Variants in NTN4 observed in about 807,000 individuals in gnomAD.
NTN4 encodes the protein netrin 4.
NTN4 carries 32 observed loss-of-function variants against 73.6 expected under a neutral mutation model. The observed-to-expected ratio is 0.44, with a 90% confidence interval of 0.33 to 0.58. The LOEUF (loss-of-function observed/expected upper bound fraction) is 0.58, where lower values mean the gene tolerates loss of function less well. Among genes scored for constraint, NTN4 ranks in the 20% least tolerant of loss-of-function variants. The pLI, the probability that NTN4 is intolerant of heterozygous loss-of-function variation, is 0.04. For missense variants in NTN4, 654 were observed against 798.3 expected, an observed-to-expected ratio of 0.82 and a Z score of 2.18; for synonymous variants, 258 against 287.5, an observed-to-expected ratio of 0.90 and a Z score of 1.04.
chr12:95,688,124 G>A (rs1441535727), intron 5 of NTN4, among the ~76,000 whole-genome samples: 4 of 152,124 alleles, frequency 2.6e-5, no homozygotes, highest in Admixed American at 1.3e-4. Flanking sequence ...GGTTACAATT[G>A]AATTTTGACA....
chr12:95,779,337 C>G (rs142651659), intron 2 of NTN4, among the ~76,000 whole-genome samples: 2 of 152,140 alleles, frequency 1.3e-5, no homozygotes, highest in Non-Finnish European at 2.9e-5. Context: ...AGAAATAAAG[C>G]GTATTCAATT....
Position 95,658,884 on chromosome 12 carries a change from G to C in NTN4, c.*202C>G, listed in dbSNP as rs2078113326. The C allele has an allele frequency of 6.3e-6, 3 of 478,772 alleles. No individual in the cohort carries two copies. The South Asian group carries it at 1.2e-4, about 19-fold the overall frequency. The allele number at this position is 478,772 out of a possible 1,614,324, so 29.7% of individuals were successfully genotyped here. A position where few individuals can be genotyped will look rare whatever the true frequency, so the allele number is the denominator to read the frequency against. On this transcript the variant is annotated 3_prime_UTR_variant, in exon 10 of 10. Transcript: ENST00000343702. ...CCCATAGAAAACAGATATCAGTGTA[G>C]GGGTTTTCATTTCTCTTCATGAAAT...
intron 5 of NTN4, among the ~76,000 whole-genome samples, chr12:95,696,301 C>A (rs1476550209): frequency 6.6e-6 from 1 of 151,906 alleles, no homozygotes; most frequent in Non-Finnish European, 1.5e-5. Flanking sequence ...GGGATAGAGA[C>A]AATTTTGTTG....
chr12:95,681,188 C>CAA (rs11366396), intron 7 of NTN4, among the ~76,000 whole-genome samples: 2,714 of 95,350 alleles, frequency 0.028, 120 homozygotes, highest in African/African-American at 0.1. Context: ...GACTTTGTCT[C>CAA]AAAAAAAAAA....
At chr12:95,702,434 C>A (rs1327087582) in intron 5 of NTN4, among the ~76,000 whole-genome samples, 1 of 152,130 alleles carries the variant, frequency 6.6e-6, no homozygotes, top group Admixed American at 6.6e-5. Context: ...TCCTCACTCA[C>A]CCCCACACTC....
At chr12:95,741,438 TATA>T (rs1565903673) in intron 2 of NTN4, among the ~76,000 whole-genome samples, 1,243 of 101,036 alleles carry the variant, frequency 0.012, 79 homozygotes, top group South Asian at 0.081. Context: ...TATATATATA[TATA>T]TATATATATA....
intron 5 of NTN4, among the ~76,000 whole-genome samples, chr12:95,707,668 T>A (rs2078530465): frequency 6.6e-6 from 1 of 152,192 alleles, no homozygotes; most frequent in Non-Finnish European, 1.5e-5. Context: ...GAATATAAGC[T>A]CCTTGAGGGC....
intron 2 of NTN4, among the ~76,000 whole-genome samples, chr12:95,775,467 C>T (rs958817801): frequency 6.6e-6 from 1 of 152,234 alleles, no homozygotes; most frequent in South Asian, 2.1e-4. Flanking sequence ...CCTGGAAAAT[C>T]GGGTCACTCC....
intron 4 of NTN4, among the ~76,000 whole-genome samples, chr12:95,711,839 T>A (rs964272939): frequency 1.3e-5 from 2 of 152,234 alleles, no homozygotes; most frequent in Non-Finnish European, 2.9e-5. Context: ...ATTCTCTTCA[T>A]GAGTGATTTA....
chr12:95,661,983 G>A (rs2078141189), intron 9 of NTN4, among the ~76,000 whole-genome samples: 1 of 152,136 alleles, frequency 6.6e-6, no homozygotes, highest in South Asian at 2.1e-4. Flanking sequence ...TAGATAACAT[G>A]AAAATCAACT....
intron 2 of NTN4, among the ~76,000 whole-genome samples, chr12:95,768,784 G>A (rs1350786643): frequency 6.6e-6 from 1 of 152,112 alleles, no homozygotes; most frequent in Non-Finnish European, 1.5e-5. Flanking sequence ...AAATAAGAGT[G>A]GTTTGCTCTA....
At chr12:95,708,824 A>G (rs1312355765) in intron 5 of NTN4, among the ~76,000 whole-genome samples, 1 of 152,186 alleles carries the variant, frequency 6.6e-6, no homozygotes, top group Non-Finnish European at 1.5e-5. Context: ...AATTTTACAT[A>G]TGAAGAAACT....
chr12:95,660,151 T>C (rs2120901955), intron 9 of NTN4, among the ~76,000 whole-genome samples: 1 of 152,274 alleles, frequency 6.6e-6, no homozygotes, highest in Non-Finnish European at 1.5e-5. Context: ...ATAGCTGGGA[T>C]TGCAGGCATG....
At chr12:95,784,490 C>T (rs2079153196) in intron 2 of NTN4, among the ~76,000 whole-genome samples, 1 of 152,112 alleles carries the variant, frequency 6.6e-6, no homozygotes, top group South Asian at 2.1e-4. Flanking sequence ...CTGCTGAGGC[C>T]GGGCGCAGTG....
At chr12:95,730,703 A>G (rs1390080366) in intron 3 of NTN4, among the ~76,000 whole-genome samples, 3 of 152,206 alleles carry the variant, frequency 2.0e-5, no homozygotes, top group African/African-American at 7.2e-5. Context: ...CTTCTATAGC[A>G]CCTGTGGTTA....
chr12:95,738,179 G>A (rs925999757), intron 2 of NTN4, 35 bp from the exon 3 acceptor site: 1 of 1,573,442 alleles, frequency 6.4e-7, no homozygotes, highest in African/African-American at 1.4e-5. Context: ...GCGTTTATAG[G>A]ACTGTGCGCA....
intron 7 of NTN4, among the ~76,000 whole-genome samples, chr12:95,675,842 G>C (rs1472248997): frequency 6.6e-6 from 1 of 152,052 alleles, no homozygotes; most frequent in Non-Finnish European, 1.5e-5. Context: ...AGACAGATTG[G>C]GTAAGGCTCT....
intron 5 of NTN4, among the ~76,000 whole-genome samples, chr12:95,701,978 A>G (rs1334539216): frequency 6.6e-6 from 1 of 152,074 alleles, no homozygotes; most frequent in African/African-American, 2.4e-5. Flanking sequence ...AATGACTGAG[A>G]TTAGAAAGCT....
chr12:95,782,322 G>A (rs1252172652), intron 2 of NTN4, among the ~76,000 whole-genome samples: 1 of 151,122 alleles, frequency 6.6e-6, no homozygotes, highest in Admixed American at 6.6e-5. Flanking sequence ...TTGAGACAGA[G>A]TCTCACTCTG....
Sources: allele counts gnomAD v4.1 joint callset (sites outside exome capture counted in the v4.1 genomes callset), GRCh38; gene constraint gnomAD v4.1.1; transcripts MANE v1.5; gene names NCBI Gene and HGNC (gene_info 2026-07-23, HGNC 2026-07-21).